The following BICC1 variants were observed in gnomAD, a reference collection of about 807,000 sequenced individuals.
The protein encoded by BICC1 is BicC family RNA binding protein 1.
BICC1 carries 43 observed loss-of-function variants against 111.0 expected under a neutral mutation model. The ratio of observed to expected loss-of-function variants is 0.39; its 90% CI spans 0.30 to 0.50. The LOEUF is 0.50. Among genes scored for constraint, BICC1 ranks in the 20% least tolerant of loss-of-function variants. The pLI is 0.88. For missense variants in BICC1, 1,091 were observed against 1,203.2 expected, an observed-to-expected ratio of 0.91 and a Z score of 1.38; for synonymous variants, 467 against 434.4, an observed-to-expected ratio of 1.07 and a Z score of -0.93.
intron 20 of BICC1, chr10:58,823,095 G>T (rs772215626): frequency 6.7e-5 from 24 of 359,068 alleles, no homozygotes; most frequent in Non-Finnish European, 9.3e-5. Flanking sequence ...AAAATTCACA[G>T]ATTTTTCTCA....
In BICC1 at chr10:58,715,999, A is replaced by G; in HGVS notation, c.307+13856A>G. On this transcript the variant is annotated intron_variant, in intron 3 of 20. Transcript: ENST00000373886. ...ATCTTCTGAAAGCTCCATGTCAGAAACTGAATCAGACAGTAAGGATAGTTT... is the reference window on the plus strand; with the variant it reads ...ATCTTCTGAAAGCTCCATGTCAGAAGCTGAATCAGACAGTAAGGATAGTTT... The G allele has an allele frequency of 5.7e-6, 8 of 1,402,752 alleles. No individual in the cohort carries two copies. In the South Asian group the frequency reaches 1.0e-4, roughly 17 times the overall value. The allele number at this position is 1,402,752 out of a possible 1,614,324, so 86.9% of individuals were successfully genotyped here. A position where few individuals can be genotyped will look rare whatever the true frequency, so the allele number is the denominator to read the frequency against.
chr10:58,783,480 G>T (rs1323783522), intron 3 of BICC1, among the ~76,000 whole-genome samples: 1 of 151,732 alleles, frequency 6.6e-6, no homozygotes, highest in Non-Finnish European at 1.5e-5. Context: ...TGGGATGGGG[G>T]TGGGAGATCA....
At chr10:58,701,923 T>A in intron 2 of BICC1, 151 bp from the exon 3 acceptor site, 1 of 470,144 alleles carries the variant, frequency 2.1e-6, no homozygotes, top group Admixed American at 4.1e-5. Flanking sequence ...CCCCCCAGGG[T>A]TTTTTTTTTC....
chr10:58,720,816 A>G (rs902585250), intron 3 of BICC1, among the ~76,000 whole-genome samples: 2 of 152,238 alleles, frequency 1.3e-5, no homozygotes, highest in African/African-American at 2.4e-5. Flanking sequence ...AGTAGGTCGT[A>G]TTTGATGACA....
intron 9 of BICC1, among the ~76,000 whole-genome samples, chr10:58,794,151 G>C (rs1843271772): frequency 6.8e-6 from 1 of 148,002 alleles, no homozygotes; most frequent in Non-Finnish European, 1.5e-5. Flanking sequence ...AGTTGATAAG[G>C]CTACTTACAT....
intron 2 of BICC1, among the ~76,000 whole-genome samples, chr10:58,701,642 T>A (rs904453243): frequency 6.6e-6 from 1 of 152,140 alleles, no homozygotes; most frequent in African/African-American, 2.4e-5. Context: ...GGGAAAAAAA[T>A]CTTCATTTAG....
intron 1 of BICC1, among the ~76,000 whole-genome samples, chr10:58,565,573 G>A (rs1264103738): frequency 1.3e-5 from 2 of 152,088 alleles, no homozygotes; most frequent in African/African-American, 4.8e-5. Context: ...GTATGCCCTG[G>A]GCGGACAGTA....
chr10:58,724,385 G>A (rs1227640377), intron 3 of BICC1, among the ~76,000 whole-genome samples: 3 of 152,120 alleles, frequency 2.0e-5, no homozygotes, highest in African/African-American at 7.2e-5. Context: ...GTGTCTGTGT[G>A]TGTGTGTATA....
At position 58,799,070 on chromosome 10, in the gene BICC1, C is replaced by A; in HGVS notation, c.1543C>A (p.Pro515Thr). The A allele has an allele frequency of 6.2e-7, 1 of 1,608,446 alleles. No individual in the cohort carries two copies. The change falls in exon 12 of 21, where the codon CCA becomes ACA. Residue 515 changes from proline (P) to threonine (T), a missense_variant. Physicochemically the swap from Pro to Thr is conservative, Grantham distance 38. Around this residue, in one of 3 missense-constraint regions of BICC1, gnomAD observed 843 missense variants for 900.8 expected, o/e 0.94. Transcript: ENST00000373886. The part of the protein sequence containing the change: ...TSSATGFSAI[P>T]HLMIPSTAQA... Reference sequence around the variant, plus strand: ...TGTTGTTGTAGGTTTTTCTGCTATACCACACCTTATGATTCCATCTACTGC... The same window carrying A: ...TGTTGTTGTAGGTTTTTCTGCTATAACACACCTTATGATTCCATCTACTGC...
intron 3 of BICC1, among the ~76,000 whole-genome samples, chr10:58,776,641 G>A (rs930700677): frequency 2.6e-5 from 4 of 152,104 alleles, no homozygotes; most frequent in African/African-American, 9.7e-5. Context: ...TTTTTGCCAT[G>A]TGGGGTGTCT....
At chr10:58,681,305 C>T (rs1043636674) in intron 2 of BICC1, among the ~76,000 whole-genome samples, 1 of 152,072 alleles carries the variant, frequency 6.6e-6, no homozygotes, top group Non-Finnish European at 1.5e-5. Flanking sequence ...CTACAAGGAA[C>T]TTAGACTAAT....
intron 1 of BICC1, among the ~76,000 whole-genome samples, chr10:58,583,584 C>CTCTGTGTG (rs1219991922): frequency 1.4e-4 from 19 of 139,342 alleles, no homozygotes; most frequent in African/African-American, 5.0e-4. Context: ...TTCTCTCTCT[C>CTCTGTGTG]TGTGTGTGTG....
chr10:58,598,756 C>A (rs1844921618), intron 1 of BICC1, among the ~76,000 whole-genome samples: 1 of 152,018 alleles, frequency 6.6e-6, no homozygotes, highest in Admixed American at 6.6e-5. Flanking sequence ...ACACTCTATG[C>A]ATTGACAAAG....
chr10:58,693,100 A>G (rs902556013), intron 2 of BICC1, among the ~76,000 whole-genome samples: 2 of 152,142 alleles, frequency 1.3e-5, no homozygotes, highest in African/African-American at 4.8e-5. Flanking sequence ...TATGAGTGAG[A>G]ACATGCGGTG....
chr10:58,826,560 G>A (rs922521195), intron 20 of BICC1, among the ~76,000 whole-genome samples: 4 of 27,806 alleles, frequency 1.4e-4, no homozygotes, highest in Admixed American at 8.3e-4. Context: ...GACCATCCTG[G>A]CTAACACGGT....
intron 1 of BICC1, among the ~76,000 whole-genome samples, chr10:58,592,871 G>T (rs1356886599): frequency 1.0e-5 from 1 of 96,304 alleles, no homozygotes; most frequent in African/African-American, 4.3e-5. Context: ...GCAAGACTCC[G>T]TCTCAAAAAA....
chr10:58,656,406 T>A (rs1838651198), intron 2 of BICC1, among the ~76,000 whole-genome samples: 1 of 150,924 alleles, frequency 6.6e-6, no homozygotes, highest in African/African-American at 2.4e-5. Flanking sequence ...AAAAAGAGAT[T>A]TTTAGACCAA....
intron 1 of BICC1, among the ~76,000 whole-genome samples, chr10:58,596,949 A>T (rs1844835575): frequency 6.6e-6 from 1 of 152,262 alleles, no homozygotes; most frequent in Non-Finnish European, 1.5e-5. Flanking sequence ...GGATAGGAAG[A>T]ATCAATATTG....
At chr10:58,735,968 G>A (rs1479078018) in intron 3 of BICC1, among the ~76,000 whole-genome samples, 4 of 152,116 alleles carry the variant, frequency 2.6e-5, no homozygotes, top group African/African-American at 9.7e-5. Flanking sequence ...TTTCCCTTGA[G>A]CCCCATTTCC....
Sources: allele counts gnomAD v4.1 joint callset (sites outside exome capture counted in the v4.1 genomes callset), GRCh38; gene constraint gnomAD v4.1.1; regional missense constraint gnomAD v4.1.1; transcripts MANE v1.5; gene names NCBI Gene and HGNC (gene_info 2026-07-23, HGNC 2026-07-21).